The following ANKRD44 variants were observed in gnomAD, a reference collection of about 807,000 sequenced individuals.
ANKRD44 encodes the protein serine/threonine-protein phosphatase 6 regulatory ankyrin repeat subunit B.
In ANKRD44, 35 loss-of-function variants were observed where a neutral mutation model predicts 116.0. That is an observed-to-expected ratio of 0.30 (90% CI 0.23 to 0.40). ANKRD44 has a LOEUF of 0.40. Ranked by LOEUF, ANKRD44 falls within the 10% of genes least tolerant of loss-of-function variation. The probability of loss-of-function intolerance (pLI) is 1.00; values close to 1 mark genes in which losing one functional copy is unlikely to be tolerated. For missense variants in ANKRD44, 1,014 were observed against 1,242.6 expected, an observed-to-expected ratio of 0.82 and a Z score of 2.77; for synonymous variants, 435 against 461.8, an observed-to-expected ratio of 0.94 and a Z score of 0.74.
At chr2:196,999,887 C>G (rs982619882) in intron 23 of ANKRD44, among the ~76,000 whole-genome samples, 2 of 152,086 alleles carry the variant, frequency 1.3e-5, no homozygotes, top group Non-Finnish European at 2.9e-5. Context: ...GCCACTGTAC[C>G]CTGCCCAGAC....
intron 10 of ANKRD44, among the ~76,000 whole-genome samples, chr2:197,096,130 C>T (rs1034150970): frequency 4.6e-5 from 7 of 152,152 alleles, no homozygotes; most frequent in African/African-American, 1.4e-4. Flanking sequence ...ATATTTTTCA[C>T]ACATCCCAGT....
chr2:196,987,576 A>C lies in ANKRD44; in HGVS notation c.*2015T>G. The C allele has an allele frequency of 1.0e-6, 1 of 985,422 alleles. No homozygotes were observed. Among genetic ancestry groups the C allele is most frequent in the Middle Eastern group, 5.2e-4 (1 of 1,914 alleles). 61.0% of individuals were successfully genotyped at this position (985,422 alleles called of 1,614,324 possible). On this transcript the variant is annotated 3_prime_UTR_variant, in exon 28 of 28. Coordinates refer to ENST00000282272, the MANE Select transcript of ANKRD44 (RefSeq NM_001195144.2). ...TTCTAATTTAATAACAAAATGATAA[A>C]CCAAGCAGTGTTTACTGCCTAAAGT...
At chr2:197,130,253 A>G (rs2079067072) in intron 4 of ANKRD44, among the ~76,000 whole-genome samples, 1 of 152,256 alleles carries the variant, frequency 6.6e-6, no homozygotes, top group African/African-American at 2.4e-5. Flanking sequence ...CCAAGCACCA[A>G]AAAAACTCAC....
intron 2 of ANKRD44, among the ~76,000 whole-genome samples, chr2:197,162,793 G>C (rs2079999995): frequency 6.6e-6 from 1 of 152,200 alleles, no homozygotes; most frequent in Non-Finnish European, 1.5e-5. Context: ...GTACAGGGCA[G>C]AAACAGTCTT....
intron 2 of ANKRD44, 108 bp from the exon 3 acceptor site, chr2:197,147,213 G>A (rs77715921): frequency 0.022 from 18,019 of 830,124 alleles, 259 homozygotes; most frequent in Middle Eastern, 0.048. Flanking sequence ...GCATGTGGAA[G>A]AGTGTGAACA....
chr2:196,974,473 C>T (rs1272979133), intron 21 of ANKRD44, among the ~76,000 whole-genome samples: 1 of 152,006 alleles, frequency 6.6e-6, no homozygotes, highest in Non-Finnish European at 1.5e-5. Flanking sequence ...AATGAAAATG[C>T]AATATACCAA....
chr2:197,306,660 A>T (rs2084082885), intron 1 of ANKRD44, among the ~76,000 whole-genome samples: 1 of 152,208 alleles, frequency 6.6e-6, no homozygotes, highest in African/African-American at 2.4e-5. Context: ...TGGAAGAACA[A>T]GGGCAGCCCA....
At chr2:197,181,738 G>A (rs201395255) in intron 2 of ANKRD44, among the ~76,000 whole-genome samples, 3 of 152,250 alleles carry the variant, frequency 2.0e-5, no homozygotes, top group East Asian at 3.9e-4. Context: ...TTGCCAATTC[G>A]ACTCATTGCT....
chr2:197,044,567 G>A (rs186297242), intron 16 of ANKRD44, among the ~76,000 whole-genome samples: 1 of 152,058 alleles, frequency 6.6e-6, no homozygotes, highest in Non-Finnish European at 1.5e-5. Flanking sequence ...CACCATGTTG[G>A]CCAGGCTGGT....
chr2:197,049,416 A>G (rs1237398270), intron 16 of ANKRD44, among the ~76,000 whole-genome samples: 1 of 152,194 alleles, frequency 6.6e-6, no homozygotes, highest in Non-Finnish European at 1.5e-5. Context: ...CCAGGATACC[A>G]CAATGGAGGG....
chr2:197,268,311 T>C (rs1249096658), intron 1 of ANKRD44, among the ~76,000 whole-genome samples: 1 of 152,104 alleles, frequency 6.6e-6, no homozygotes, highest in Non-Finnish European at 1.5e-5. Context: ...GCATCTGAGA[T>C]GCACTGGGGC....
intron 2 of ANKRD44, among the ~76,000 whole-genome samples, chr2:197,159,967 G>C (rs1381176004): frequency 6.6e-6 from 1 of 152,096 alleles, no homozygotes; most frequent in Non-Finnish European, 1.5e-5. Context: ...CCTCCTCACA[G>C]CATTTTGGAG....
chr2:197,187,673 T>TCTCTCC (rs1476267330), intron 1 of ANKRD44, among the ~76,000 whole-genome samples: 8 of 150,180 alleles, frequency 5.3e-5, no homozygotes, highest in African/African-American at 2.0e-4. Flanking sequence ...TCTCTCTCTC[T>TCTCTCC]CTCTCCCTCT....
intron 16 of ANKRD44, among the ~76,000 whole-genome samples, chr2:197,045,162 C>G (rs2076979874): frequency 6.6e-6 from 1 of 151,314 alleles, no homozygotes; most frequent in Non-Finnish European, 1.5e-5. Flanking sequence ...TCCTATGATA[C>G]TTTCATGGCT....
chr2:197,254,630 CATATAT>C (rs1234319363), intron 1 of ANKRD44, among the ~76,000 whole-genome samples: 1 of 107,580 alleles, frequency 9.3e-6, no homozygotes, highest in Admixed American at 1.1e-4. Context: ...CACACACACA[CATATAT>C]ATATTTGCTT....
intron 1 of ANKRD44, among the ~76,000 whole-genome samples, chr2:197,277,594 T>C (rs906546119): frequency 2.0e-5 from 3 of 152,084 alleles, no homozygotes; most frequent in African/African-American, 7.3e-5. Flanking sequence ...TAATGAGGCC[T>C]AAAGAAGCAG....
intron 1 of ANKRD44, among the ~76,000 whole-genome samples, chr2:197,277,837 A>C (rs565310969): frequency 1.8e-4 from 28 of 152,054 alleles, no homozygotes; most frequent in Non-Finnish European, 3.4e-4. Flanking sequence ...ATTAGAAGGG[A>C]CTCTGAGCAT....
At position 197,099,862 on chromosome 2, in the gene ANKRD44, C is replaced by A. The variant is rs1300025447; in HGVS notation, c.1054G>T (p.Glu352Ter). ...PLHVAARYGH[E>*]LLINTLITSG... ...GTTATTAAGGTGTTAATCAAAAGCTCATGACCGTATCTTGCAGCCACATGG... is the reference window on the plus strand; with the variant it reads ...GTTATTAAGGTGTTAATCAAAAGCTAATGACCGTATCTTGCAGCCACATGG... The change falls in exon 10 of 28, where the codon GAG becomes TAG. Residue 352 changes from glutamate (E) to a stop codon, truncating the protein, a stop_gained. Transcript: ENST00000282272. LOFTEE classifies it high-confidence loss of function. 3 of 1,614,064 alleles carry A rather than the reference C, an allele frequency of 1.9e-6. No individual in the cohort carries two copies. Among genetic ancestry groups the A allele is most frequent in the African/African-American group, 2.7e-5 (2 of 74,926 alleles).
chr2:197,247,247 T>A (rs533967071), intron 1 of ANKRD44, among the ~76,000 whole-genome samples: 3 of 152,140 alleles, frequency 2.0e-5, no homozygotes, highest in Non-Finnish European at 2.9e-5. Context: ...GAGAACTTAT[T>A]AGGTTAATTA....
Sources: gnomAD v4.1 joint callset for allele counts (sites outside exome capture counted in the v4.1 genomes callset) on GRCh38, gnomAD v4.1.1 for gene constraint, MANE v1.5 for transcripts, NCBI Gene and HGNC (gene_info 2026-07-23, HGNC 2026-07-21) for gene names.